The following TRPM3 variants were observed in gnomAD, a reference collection of about 807,000 sequenced individuals.
TRPM3 encodes long transient receptor potential channel 3.
Under a neutral mutation model 181.2 loss-of-function variants are expected in TRPM3, and 77 were observed. That is an observed-to-expected ratio of 0.42 (90% CI 0.35 to 0.51). TRPM3 has a LOEUF of 0.51. TRPM3 is among the 20% of genes least tolerant of loss of function. The pLI is 0.01. For synonymous variants in TRPM3, 745 were observed against 796.4 expected (o/e 0.94, Z 1.09); for missense variants, 1,759 against 2,196.7 (o/e 0.80, Z 3.98).
intron 1 of TRPM3, among the ~76,000 whole-genome samples, chr9:71,404,766 T>G (rs1276750923): frequency 6.6e-6 from 1 of 152,166 alleles, no homozygotes; most frequent in Admixed American, 6.5e-5. Context: ...CATGCCTTCC[T>G]AGACTCCCTC....
intron 1 of TRPM3, among the ~76,000 whole-genome samples, chr9:70,925,733 A>G (rs2096714801): frequency 6.6e-6 from 1 of 152,104 alleles, no homozygotes; most frequent in Non-Finnish European, 1.5e-5. Context: ...TGATATTAAT[A>G]TAGAAGAGGA....
chr9:71,058,955 T>G (rs944960253), intron 1 of TRPM3, among the ~76,000 whole-genome samples: 5 of 151,466 alleles, frequency 3.3e-5, no homozygotes, highest in African/African-American at 7.3e-5. Flanking sequence ...GCTCCATTCA[T>G]GAATTGTTCT....
At chr9:71,226,256 G>A (rs1351874046) in intron 1 of TRPM3, among the ~76,000 whole-genome samples, 1 of 151,740 alleles carries the variant, frequency 6.6e-6, no homozygotes, top group Non-Finnish European at 1.5e-5. Context: ...AAGGAAGATG[G>A]AAAGGAAAAA....
chr9:71,001,902 T>C (rs772590604), intron 1 of TRPM3, among the ~76,000 whole-genome samples: 2 of 152,208 alleles, frequency 1.3e-5, no homozygotes, highest in African/African-American at 2.4e-5. Flanking sequence ...AATAGTTTTA[T>C]ATAACCCAAG....
chr9:71,376,464 C>G (rs2092669653), intron 1 of TRPM3, among the ~76,000 whole-genome samples: 1 of 151,900 alleles, frequency 6.6e-6, no homozygotes, highest in Admixed American at 6.6e-5. Context: ...TTCAGGAGTT[C>G]TATATTTGTA....
At chr9:70,640,437 C>T in intron 10 of TRPM3, 123 bp downstream of exon 10, 2 of 684,414 alleles carry the variant, frequency 2.9e-6, no homozygotes, top group Non-Finnish European at 4.9e-6. Flanking sequence ...ACTTTGCTAC[C>T]AAGGAACACA....
At chr9:70,747,761 G>C (rs2075433126) in intron 8 of TRPM3, among the ~76,000 whole-genome samples, 1 of 151,940 alleles carries the variant, frequency 6.6e-6, no homozygotes. Flanking sequence ...TTACAGAAAA[G>C]TTTGCCAACC....
chr9:70,794,139 C>G (rs1301590949), intron 6 of TRPM3, among the ~76,000 whole-genome samples: 22 of 151,956 alleles, frequency 1.4e-4, no homozygotes. Context: ...CAGGTCAATG[C>G]TGAGTGCAGT....
At chr9:71,351,131 T>C (rs1443142502) in intron 1 of TRPM3, among the ~76,000 whole-genome samples, 1 of 152,210 alleles carries the variant, frequency 6.6e-6, no homozygotes, top group Non-Finnish European at 1.5e-5. Context: ...AATAAGTTAA[T>C]ATGAAAACAT....
At chr9:70,963,257 GGCTGCACAACTTCAACA>G (rs1439537694) in intron 1 of TRPM3, among the ~76,000 whole-genome samples, 1 of 152,208 alleles carries the variant, frequency 6.6e-6, no homozygotes, top group African/African-American at 2.4e-5. Flanking sequence ...GCACCTTACA[GGCTGCACAACTTCAACA>G]GCATTATCAT....
chr9:71,085,256 C>T (rs773320820), intron 1 of TRPM3, among the ~76,000 whole-genome samples: 12 of 151,898 alleles, frequency 7.9e-5, no homozygotes, highest in Non-Finnish European at 1.8e-4. Flanking sequence ...AAAGCAATTG[C>T]AATAAAACCA....
intron 6 of TRPM3, among the ~76,000 whole-genome samples, chr9:70,808,619 T>C (rs925011790): frequency 2.0e-5 from 3 of 152,222 alleles, no homozygotes; most frequent in African/African-American, 7.2e-5. Context: ...TGTCAAGTCG[T>C]TTCATATAAT....
intron 1 of TRPM3, among the ~76,000 whole-genome samples, chr9:71,228,579 A>C (rs1263273122): frequency 6.6e-6 from 1 of 152,178 alleles, no homozygotes; most frequent in African/African-American, 2.4e-5. Flanking sequence ...GAAAAACTTA[A>C]AGACTTCACC....
intron 1 of TRPM3, among the ~76,000 whole-genome samples, chr9:71,063,832 C>G (rs1158080621): frequency 6.6e-6 from 1 of 151,898 alleles, no homozygotes; most frequent in Non-Finnish European, 1.5e-5. Flanking sequence ...ACCTTTTTTT[C>G]CAGGTGACAT....
At chr9:70,605,370 G>A (rs1461080562) in intron 19 of TRPM3, among the ~76,000 whole-genome samples, 1 of 152,064 alleles carries the variant, frequency 6.6e-6, no homozygotes, top group Non-Finnish European at 1.5e-5. Context: ...GAAGTATGTC[G>A]GAGTTAAATA....
At chr9:70,752,777 C>T (rs564963455) in intron 8 of TRPM3, among the ~76,000 whole-genome samples, 41 of 152,166 alleles carry the variant, frequency 2.7e-4, no homozygotes, top group Non-Finnish European at 4.6e-4. Context: ...ACCATAGAAC[C>T]TAGGTGTGTA....
chr9:71,058,568 C>T (rs1407492610), intron 1 of TRPM3, among the ~76,000 whole-genome samples: 1 of 152,006 alleles, frequency 6.6e-6, no homozygotes, highest in African/African-American at 2.4e-5. Context: ...TCTTTGGAGA[C>T]AGAAGTTCTG....
chr9:71,037,472 T>C (rs895786096), intron 1 of TRPM3, among the ~76,000 whole-genome samples: 2 of 152,280 alleles, frequency 1.3e-5, no homozygotes, highest in Non-Finnish European at 2.9e-5. Flanking sequence ...AAATATGTGA[T>C]ATGTGTGCAT....
chr9:70,931,853 T>G (rs1392880813), intron 1 of TRPM3, among the ~76,000 whole-genome samples: 2 of 152,226 alleles, frequency 1.3e-5, no homozygotes, highest in African/African-American at 4.8e-5. Flanking sequence ...ACTCAGTCCT[T>G]GAAGTTAAGG....
Sources: gnomAD v4.1 joint callset for allele counts (sites outside exome capture counted in the v4.1 genomes callset) on GRCh38, gnomAD v4.1.1 for gene constraint, MANE v1.5 for transcripts, NCBI Gene and HGNC (gene_info 2026-07-23, HGNC 2026-07-21) for gene names.